The following PCDHGB1 variants were observed in gnomAD, a reference collection of about 807,000 sequenced individuals.
PCDHGB1 encodes protocadherin gamma subfamily B, 1.
Under a neutral mutation model 56.6 loss-of-function variants are expected in PCDHGB1, and 34 were observed. The ratio of observed to expected loss-of-function variants is 0.60; its 90% confidence interval spans 0.46 to 0.80. The LOEUF is 0.80. PCDHGB1 is among the 30% of genes least tolerant of loss of function. The probability of loss-of-function intolerance (pLI) is 0.00; values close to 1 mark genes in which losing one functional copy is unlikely to be tolerated. For synonymous variants in PCDHGB1, 561 were observed against 505.9 expected (o/e 1.11, Z -1.46); for missense variants, 1,278 against 1,204.6 (o/e 1.06, Z -0.90).
At chr5:141,389,939 G>A in intron 1 of PCDHGB1, 1 of 1,614,082 alleles carries the variant, frequency 6.2e-7, no homozygotes, top group Non-Finnish European at 8.5e-7. Context: ...TCCAGGCTGA[G>A]CTGCAGTTTT....
chr5:141,467,908 C>G (rs2099154038), intron 1 of PCDHGB1, among the ~76,000 whole-genome samples: 1 of 152,172 alleles, frequency 6.6e-6, no homozygotes, highest in Non-Finnish European at 1.5e-5. Flanking sequence ...ATCCGCCCAC[C>G]TCAGCCTCCC....
At chr5:141,415,151 C>G in intron 1 of PCDHGB1, 2 of 1,613,814 alleles carry the variant, frequency 1.2e-6, no homozygotes, top group Non-Finnish European at 1.7e-6. Flanking sequence ...CCCCCTCTCT[C>G]CGCCACTGTC....
intron 1 of PCDHGB1, chr5:141,399,389 C>G: frequency 1.2e-6 from 2 of 1,614,024 alleles, no homozygotes; most frequent in East Asian, 2.2e-5. Flanking sequence ...ATCACAGCCA[C>G]AGACAGGGGC....
At chr5:141,464,470 C>T (rs1175806879) in intron 1 of PCDHGB1, among the ~76,000 whole-genome samples, 3 of 151,194 alleles carry the variant, frequency 2.0e-5, no homozygotes, top group Non-Finnish European at 2.9e-5. Flanking sequence ...GAAGTATGTA[C>T]GTATAATAAA....
chr5:141,441,810 C>A, intron 1 of PCDHGB1: 1 of 372,576 alleles, frequency 2.7e-6, no homozygotes. Context: ...GGTGCTGTAC[C>A]CCAGCTCTGG....
chr5:141,408,717 T>C lies in PCDHGB1; in HGVS notation c.2409+56048T>C, dbSNP rs774691298. ...ATAAACTCAATTAAAGATTATAAGA[T>C]AAACTCTAATCCTTATTTTTCATTA... is the stretch of plus-strand genomic sequence containing the variant. On this transcript the variant is annotated intron_variant, in intron 1 of 3. Transcript: ENST00000523390. The C allele has an allele frequency of 1.9e-6, 3 of 1,611,662 alleles. No individual in the cohort carries two copies. In the South Asian group the frequency reaches 3.3e-5, roughly 18 times the overall value.
intron 2 of PCDHGB1, among the ~76,000 whole-genome samples, chr5:141,502,496 C>T (rs934563545): frequency 2.0e-5 from 3 of 152,178 alleles, no homozygotes; most frequent in Admixed American, 6.5e-5. Context: ...ACTCATCTAA[C>T]GTCGGCCTGT....
Position 141,485,172 on chromosome 5 carries a change from C to A in PCDHGB1, c.2410-9635C>A. ...CAAGTAGAGAATTAGCGGGCGGCAG[C>A]AATGCTCCGCAAGGTGAGAAGCTGG... On this transcript the variant is annotated intron_variant, in intron 1 of 3. Transcript: ENST00000523390. The surrounding 1 kb of genome is among the most constrained non-coding windows in gnomAD (Gnocchi z 5.7). 6.2e-7 allele frequency: 1 copy of A among 1,610,164 alleles called. No individual in the cohort carries two copies. The highest frequency in any genetic ancestry group is 8.5e-7 in the Non-Finnish European group (1 of 1,176,940).
rs2094321391 is a variant in PCDHGB1, at chr5:141,402,912, G to GCTTCATCA, written c.2409+50244_2409+50245insTTCATCAC. ...AAGAAAGAACCTGATGAAGCAGCGCGCACAGAGATCCTTTTGAGAAAATTC... is the reference window on the plus strand; with the variant it reads ...AAGAAAGAACCTGATGAAGCAGCGCGCTTCATCACACAGAGATCCTTTTGAGAAAATTC... On this transcript the variant is annotated intron_variant, in intron 1 of 3. Coordinates refer to ENST00000523390, the MANE Select transcript of PCDHGB1 (RefSeq NM_018922.3). 6 of 1,553,880 alleles carry GCTTCATCA rather than the reference G, an allele frequency of 3.9e-6. No individual in the cohort carries two copies. In the African/African-American group the frequency reaches 8.2e-5, roughly 21 times the overall value.
chr5:141,435,296 T>A (rs545583818), intron 1 of PCDHGB1, among the ~76,000 whole-genome samples: 44 of 152,328 alleles, frequency 2.9e-4, no homozygotes, highest in African/African-American at 9.9e-4. Context: ...AGTCATTTCA[T>A]GGTTTTAAAT....
intron 1 of PCDHGB1, chr5:141,441,448 A>T (rs1415765869): frequency 1.2e-5 from 2 of 161,528 alleles, no homozygotes; most frequent in Non-Finnish European, 2.7e-5. Context: ...CAGCCCAAGC[A>T]TCACCCTACT....
rs554003983 is a variant in PCDHGB1, at chr5:141,415,548, A to T, written c.2409+62879A>T. 10 of 1,614,160 alleles carry T rather than the reference A, an allele frequency of 6.2e-6. No individual in the cohort carries two copies. The East Asian group carries it at 1.8e-4, about 29-fold the overall frequency. ...TCATCAGCCAGGAGAGCTGTGAGAA[A>T]AACGATCCTTTGTCTTTGTTAGATG... On this transcript the variant is annotated intron_variant, in intron 1 of 3. Coordinates refer to ENST00000523390, the MANE Select transcript of PCDHGB1 (RefSeq NM_018922.3).
At chr5:141,358,135 A>G (rs1760830618) in intron 1 of PCDHGB1, among the ~76,000 whole-genome samples, 1 of 152,246 alleles carries the variant, frequency 6.6e-6, no homozygotes, top group Non-Finnish European at 1.5e-5. Context: ...GGTTGCAATG[A>G]GCTGAGATCA....
intron 2 of PCDHGB1, among the ~76,000 whole-genome samples, chr5:141,503,388 A>C (rs1456500896): frequency 6.6e-6 from 1 of 152,004 alleles, no homozygotes; most frequent in East Asian, 1.9e-4. Flanking sequence ...TGAGGTCAGG[A>C]GTTCGAAACC....
intron 1 of PCDHGB1, among the ~76,000 whole-genome samples, chr5:141,448,837 C>CT (rs2098610093): frequency 6.6e-6 from 1 of 152,014 alleles, no homozygotes; most frequent in Non-Finnish European, 1.5e-5. Context: ...CCCAGCTACT[C>CT]TGGAGGCTGA....
chr5:141,356,986 A>C, intron 1 of PCDHGB1: 1 of 1,614,164 alleles, frequency 6.2e-7, no homozygotes, highest in Non-Finnish European at 8.5e-7. Context: ...GGCAGTGGAC[A>C]GAGACTCAGG....
intron 1 of PCDHGB1, chr5:141,423,638 A>G (rs771989468): frequency 2.5e-6 from 4 of 1,598,292 alleles, no homozygotes; most frequent in Non-Finnish European, 3.4e-6. Context: ...ATTTTAGGCA[A>G]ATGTGACCCG....
At chr5:141,396,891 A>G (rs1216083648) in intron 1 of PCDHGB1, among the ~76,000 whole-genome samples, 1 of 152,228 alleles carries the variant, frequency 6.6e-6, no homozygotes, top group Non-Finnish European at 1.5e-5. Flanking sequence ...AGAGGACAAC[A>G]TATTATTGGC....
At position 141,389,844 on chromosome 5, in the gene PCDHGB1, G is replaced by A. The variant is rs558691778; in HGVS notation, c.2409+37175G>A. 80 of 1,614,014 alleles carry A rather than the reference G, an allele frequency of 5.0e-5. No homozygotes were observed. The Admixed American group carries it at 1.3e-3, about 27-fold the overall frequency. On this transcript the variant is annotated intron_variant, in intron 1 of 3. Coordinates refer to ENST00000523390, the MANE Select transcript of PCDHGB1 (RefSeq NM_018922.3). ...TGACGGTGGACAGCCACCACTCTCGGCCACTGCCACGTTGCACCTGGTCTT... is the reference window on the plus strand; with the variant it reads ...TGACGGTGGACAGCCACCACTCTCGACCACTGCCACGTTGCACCTGGTCTT...
Sources: allele counts gnomAD v4.1 joint callset (sites outside exome capture counted in the v4.1 genomes callset), GRCh38; gene constraint gnomAD v4.1.1; non-coding constraint Gnocchi (gnomAD v3.1); transcripts MANE v1.5; gene names NCBI Gene and HGNC (gene_info 2026-07-23, HGNC 2026-07-21).